Variants in RMST observed in about 807,000 individuals in gnomAD.
The protein encoded by RMST is long intergenic non-protein coding RNA 54.
chr12:97,518,401 C>T (rs1027449922), intron 10 of RMST, among the ~76,000 whole-genome samples: 23 of 152,180 alleles, frequency 1.5e-4, no homozygotes, highest in Non-Finnish European at 1.8e-4. Context: ...TCTCAACCCT[C>T]CCTTCTTAAA....
intron 11 of RMST, among the ~76,000 whole-genome samples, chr12:97,544,875 T>G (rs1403504010): frequency 6.6e-6 from 1 of 152,086 alleles, no homozygotes; most frequent in Non-Finnish European, 1.5e-5. Context: ...TGATAGAATA[T>G]CAATTTCTGC....
At chr12:97,536,512 G>C (rs1197261379) in intron 11 of RMST, among the ~76,000 whole-genome samples, 1 of 151,394 alleles carries the variant, frequency 6.6e-6, no homozygotes, top group Non-Finnish European at 1.5e-5. Flanking sequence ...GAGAAGTGTG[G>C]TCAGTCTAAA....
chr12:97,475,587 G>GCT (rs1874447833), intron 5 of RMST, among the ~76,000 whole-genome samples: 1 of 140,994 alleles, frequency 7.1e-6, no homozygotes, highest in South Asian at 2.2e-4. Flanking sequence ...CTTTTTTTTT[G>GCT]TTTTTTTTTT....
intron 10 of RMST, among the ~76,000 whole-genome samples, chr12:97,498,354 C>T (rs1877694797): frequency 6.6e-6 from 1 of 152,102 alleles, no homozygotes; most frequent in African/African-American, 2.4e-5. Flanking sequence ...CGCATTTCTG[C>T]TCTACCACTT....
At chr12:97,512,528 C>T (rs539764746) in intron 10 of RMST, among the ~76,000 whole-genome samples, 2 of 152,320 alleles carry the variant, frequency 1.3e-5, no homozygotes, top group South Asian at 4.1e-4. Context: ...AGGTTCTCCA[C>T]GTCCCCACCA....
At chr12:97,557,890 ACTTAAT>A (rs1364629133) in intron 11 of RMST, among the ~76,000 whole-genome samples, 1 of 152,148 alleles carries the variant, frequency 6.6e-6, no homozygotes, top group Admixed American at 6.6e-5. Flanking sequence ...ATACAACCTC[ACTTAAT>A]CTTTACAGGA....
chr12:97,526,730 T>C (rs936077838), intron 10 of RMST, among the ~76,000 whole-genome samples: 2 of 152,186 alleles, frequency 1.3e-5, no homozygotes, highest in African/African-American at 4.8e-5. Flanking sequence ...GTTGTTGTTA[T>C]TACTGATTTG....
chr12:97,497,282 G>A (rs1252246665), intron 10 of RMST, among the ~76,000 whole-genome samples: 1 of 152,082 alleles, frequency 6.6e-6, no homozygotes, highest in Admixed American at 6.6e-5. Flanking sequence ...TCTTTTCAAG[G>A]GCTTGAGGTC....
chr12:97,483,863 G>A (rs777923276), intron 5 of RMST, among the ~76,000 whole-genome samples: 1 of 152,068 alleles, frequency 6.6e-6, no homozygotes, highest in African/African-American at 2.4e-5. Context: ...TCTACAAATT[G>A]CTTTTCGACC....
At chr12:97,480,396 C>T (rs1036004459) in intron 5 of RMST, among the ~76,000 whole-genome samples, 5 of 152,142 alleles carry the variant, frequency 3.3e-5, no homozygotes, top group Admixed American at 2.0e-4. Context: ...CTAAACGTTT[C>T]GTGAATCCAT....
chr12:97,486,261 T>A (rs560340082), intron 5 of RMST, among the ~76,000 whole-genome samples: 2 of 152,360 alleles, frequency 1.3e-5, no homozygotes, highest in African/African-American at 2.4e-5. Context: ...GAACTCTGAA[T>A]GGGCTTGATA....
At chr12:97,516,578 AG>A (rs1879960574) in intron 10 of RMST, among the ~76,000 whole-genome samples, 7 of 152,140 alleles carry the variant, frequency 4.6e-5, no homozygotes, top group Admixed American at 4.6e-4. Flanking sequence ...TTAGGAGTGA[AG>A]GTAGATTACA....
intron 10 of RMST, among the ~76,000 whole-genome samples, chr12:97,498,494 T>A (rs1687289909): frequency 6.6e-6 from 1 of 152,234 alleles, no homozygotes; most frequent in South Asian, 2.1e-4. Flanking sequence ...GGTAAGGGGT[T>A]GACGAGTCTT....
chr12:97,559,430 C>G (rs1307592001), intron 11 of RMST, among the ~76,000 whole-genome samples: 1 of 152,162 alleles, frequency 6.6e-6, no homozygotes, highest in Non-Finnish European at 1.5e-5. Flanking sequence ...CACTTACTGT[C>G]AGAGCTGCAG....
chr12:97,499,570 A>C (rs1877836601), intron 10 of RMST, among the ~76,000 whole-genome samples: 1 of 152,032 alleles, frequency 6.6e-6, no homozygotes, highest in South Asian at 2.1e-4. Context: ...AATAAGATCA[A>C]AGTGTTTTGT....
intron 5 of RMST, among the ~76,000 whole-genome samples, chr12:97,486,016 G>T (rs576228122): frequency 6.6e-6 from 1 of 152,158 alleles, no homozygotes; most frequent in African/African-American, 2.4e-5. Context: ...AGATAGGTAC[G>T]CAGAATGCAT....
intron 10 of RMST, among the ~76,000 whole-genome samples, chr12:97,506,979 G>T (rs1312854925): frequency 6.6e-6 from 1 of 152,232 alleles, no homozygotes; most frequent in South Asian, 2.1e-4. Flanking sequence ...ACTGCGCCCG[G>T]CCAGAGGAAT....
chr12:97,502,014 C>G (rs1032846255), intron 10 of RMST, among the ~76,000 whole-genome samples: 5 of 152,086 alleles, frequency 3.3e-5, no homozygotes, highest in Non-Finnish European at 7.3e-5. Flanking sequence ...TGGACTTTAA[C>G]TTTAAGGAAG....
intron 11 of RMST, chr12:97,533,580 C>G (rs1303891063): frequency 6.6e-6 from 1 of 151,706 alleles, no homozygotes; most frequent in African/African-American, 2.4e-5. Context: ...ATTTTCTAAG[C>G]CTTGGTGAAA....
Sources: allele counts gnomAD v4.1 joint callset (sites outside exome capture counted in the v4.1 genomes callset), GRCh38; gene constraint gnomAD v4.1.1; transcripts MANE v1.5; gene names NCBI Gene and HGNC (gene_info 2026-07-23, HGNC 2026-07-21).